PI4KB: variants seen among roughly 807,000 people sequenced by gnomAD.
PI4KB encodes the protein phosphatidylinositol 4-kinase beta.
In PI4KB, 23 loss-of-function variants were observed where a neutral mutation model predicts 81.4. The ratio of observed to expected loss-of-function variants is 0.28; its 90% CI spans 0.20 to 0.40. The LOEUF (loss-of-function observed/expected upper bound fraction) is 0.40. Among genes scored for constraint, PI4KB ranks in the 10% least tolerant of loss-of-function variants. The pLI, the probability that PI4KB is intolerant of heterozygous loss-of-function variation, is 1.00. For missense variants in PI4KB, 651 were observed against 1,036.6 expected, an observed-to-expected ratio of 0.63 and a Z score of 5.11; for synonymous variants, 381 against 406.8, an observed-to-expected ratio of 0.94 and a Z score of 0.76.
At chr1:151,308,260 C>T (rs587618252) in intron 3 of PI4KB, among the ~76,000 whole-genome samples, 1 of 152,324 alleles carries the variant, frequency 6.6e-6, no homozygotes, top group South Asian at 2.1e-4. Context: ...CCGTCAAGTC[C>T]CGCAAGGCTA....
At chr1:151,324,141 G>A (rs1313837335) in intron 1 of PI4KB, among the ~76,000 whole-genome samples, 1 of 152,010 alleles carries the variant, frequency 6.6e-6, no homozygotes, top group Admixed American at 6.6e-5. Flanking sequence ...AGTAGAGATG[G>A]GGTTTCACCA....
At chr1:151,324,590 A>AGG (rs1257318350) in intron 1 of PI4KB, among the ~76,000 whole-genome samples, 4 of 152,160 alleles carry the variant, frequency 2.6e-5, no homozygotes, top group Non-Finnish European at 4.4e-5. Flanking sequence ...TAGGGAGGGC[A>AGG]GTGGTCTCAT....
Position 151,306,365 on chromosome 1 carries a change from TG to T in PI4KB, c.1183-3del, listed in dbSNP as rs778912817. 6.2e-7 allele frequency: 1 copy of T among 1,603,908 alleles called. No individual in the cohort carries two copies. The highest frequency in any genetic ancestry group is 1.1e-5 in the South Asian group (1 of 90,856). On this transcript the variant is annotated splice_polypyrimidine_tract_variant and splice_region_variant and intron_variant, in intron 4 of 11. Transcript: ENST00000368873. ...TTCCACATAAATCAGGTAGGGAGCC[TG>T]GGGGAAGAGTGAGACAGTATTTGCA...
At chr1:151,326,345 TTTC>T in intron 1 of PI4KB, 1 of 618,958 alleles carries the variant, frequency 1.6e-6, no homozygotes, top group Non-Finnish European at 2.8e-6. Flanking sequence ...ACAACACATT[TTTC>T]TTCTTAGTTC....
rs771965997 is a variant in PI4KB at position 151,303,667 on chromosome 1, G to A, written c.1411-17C>T. 94 of 1,555,574 alleles carry A rather than the reference G, an allele frequency of 6.0e-5. No individual in the cohort carries two copies. The highest frequency in any genetic ancestry group is 7.7e-5 in the Non-Finnish European group (87 of 1,126,800). On this transcript the variant is annotated splice_polypyrimidine_tract_variant and intron_variant, in intron 5 of 11. Transcript: ENST00000368873. ...TTCGGGGAGCTGGAGAAAGGGGAGT[G>A]CTGGTCAGAAGTGCTAAAGTATAGG...
chr1:151,322,387 A>C (rs143280283), intron 1 of PI4KB, among the ~76,000 whole-genome samples: 1 of 152,250 alleles, frequency 6.6e-6, no homozygotes, highest in East Asian at 1.9e-4. Context: ...CTATCGCTTA[A>C]CCTAGCTCCC....
At chr1:151,322,373 G>A (rs2102018559) in intron 1 of PI4KB, among the ~76,000 whole-genome samples, 1 of 152,290 alleles carries the variant, frequency 6.6e-6, no homozygotes, top group Non-Finnish European at 1.5e-5. Context: ...CTGGGGAGGA[G>A]ATGCTATCGC....
intron 3 of PI4KB, among the ~76,000 whole-genome samples, chr1:151,309,280 C>T (rs1457024803): frequency 6.6e-6 from 1 of 152,132 alleles, no homozygotes; most frequent in Non-Finnish European, 1.5e-5. Context: ...ATAATCATCT[C>T]AGATTAGAAA....
At chr1:151,323,350 A>G (rs1486686514) in intron 1 of PI4KB, among the ~76,000 whole-genome samples, 2 of 151,962 alleles carry the variant, frequency 1.3e-5, no homozygotes, top group African/African-American at 4.8e-5. Flanking sequence ...ACTAAAAAAT[A>G]TAAAAAACTA....
intron 11 of PI4KB, chr1:151,293,554 GA>G: frequency 2.1e-6 from 1 of 469,884 alleles, no homozygotes; most frequent in Non-Finnish European, 3.5e-6. Flanking sequence ...GATGAGGACA[GA>G]AGGGGGTCCT....
At chr1:151,299,378 G>C (rs904242677) in intron 8 of PI4KB, among the ~76,000 whole-genome samples, 1 of 152,050 alleles carries the variant, frequency 6.6e-6, no homozygotes, top group Admixed American at 6.6e-5. Context: ...GGAGCTGTAA[G>C]TTCAAATAAT....
At chr1:151,293,155 G>A in intron 11 of PI4KB, 122 bp from the exon 12 acceptor site, 2 of 1,510,844 alleles carry the variant, frequency 1.3e-6, no homozygotes, top group Non-Finnish European at 1.8e-6. Context: ...GGTCCTTGAT[G>A]ATGTGGGTGC....
chr1:151,293,301 G>A, intron 11 of PI4KB: 1 of 1,381,264 alleles, frequency 7.2e-7, no homozygotes, highest in Non-Finnish European at 9.5e-7. Context: ...AGGGTGGAGG[G>A]GCCCAGAGGG....
intron 9 of PI4KB, among the ~76,000 whole-genome samples, chr1:151,297,934 C>T (rs367649390): frequency 6.6e-6 from 1 of 152,120 alleles, no homozygotes; most frequent in Non-Finnish European, 1.5e-5. Flanking sequence ...TGCCCTGTGC[C>T]GAGGGTCTAG....
Position 151,306,680 on chromosome 1 carries a change from C to T in PI4KB, c.1183-317G>A, listed in dbSNP as rs1193656267. 3.9e-5 allele frequency among the ~76,000 whole-genome samples: 6 copies of T among 152,194 alleles called. No homozygotes were observed. The South Asian group carries it at 1.0e-3, about 26-fold the overall frequency. On this transcript the variant is annotated intron_variant, in intron 4 of 11. Coordinates refer to ENST00000368873, the MANE Select transcript of PI4KB (RefSeq NM_001369623.2). ...AGGGAGGCCTAGATGCCTCTGTGGGCTCGTCCTGAAGACAGGGCCCAGGGA... is the reference window on the plus strand; with the variant it reads ...AGGGAGGCCTAGATGCCTCTGTGGGTTCGTCCTGAAGACAGGGCCCAGGGA...
intron 1 of PI4KB, among the ~76,000 whole-genome samples, chr1:151,318,439 G>A (rs573083480): frequency 1.6e-3 from 240 of 148,878 alleles, no homozygotes; most frequent in African/African-American, 5.4e-3. Context: ...AAGGCCGGGC[G>A]CGGTGGCTCA....
At chr1:151,318,656 G>A (rs1023471975) in intron 1 of PI4KB, among the ~76,000 whole-genome samples, 5 of 152,058 alleles carry the variant, frequency 3.3e-5, no homozygotes, top group Admixed American at 2.0e-4. Context: ...AGGTTGTGGT[G>A]AGCCGAGATC....
chr1:151,321,324 G>C (rs774611547), intron 1 of PI4KB, among the ~76,000 whole-genome samples: 2 of 152,088 alleles, frequency 1.3e-5, no homozygotes, highest in Non-Finnish European at 2.9e-5. Flanking sequence ...TGGAGAAGAA[G>C]GTGTTGTAGG....
rs754489833 is a variant in PI4KB at position 151,301,952 on chromosome 1, G to C, written c.1641C>G (p.Gly547=). ...AATTGGGGAGATGGCCGTAGGGGGA[G>C]CCCTCTCTGATCCGCCTGTGAAGAC... ...WQEKVRRIRE[G]SPYGHLPNWR... is the part of the protein sequence containing the mutation. The change falls in exon 8 of 12, where the codon GGC becomes GGG. Residue 547 remains glycine, a synonymous_variant. Transcript: ENST00000368873. The C allele has an allele frequency of 1.2e-5, 19 of 1,613,512 alleles. No individual in the cohort carries two copies. The highest frequency in any genetic ancestry group is 1.6e-5 in the Non-Finnish European group (19 of 1,179,990).
Sources: gnomAD v4.1 joint callset for allele counts (sites outside exome capture counted in the v4.1 genomes callset) on GRCh38, gnomAD v4.1.1 for gene constraint, MANE v1.5 for transcripts, NCBI Gene and HGNC (gene_info 2026-07-23, HGNC 2026-07-21) for gene names.